The following KRT32 variants were observed in gnomAD, a reference collection of about 807,000 sequenced individuals.
KRT32 encodes keratin 32.
KRT32 carries 44 observed loss-of-function variants against 41.8 expected under a neutral mutation model. The ratio of observed to expected loss-of-function variants is 1.05; its 90% CI spans 0.83 to 1.35. The LOEUF (loss-of-function observed/expected upper bound fraction) is 1.35. Among genes scored for constraint, KRT32 ranks in the 40% most tolerant of loss-of-function variants. The pLI is 0.00. For missense variants in KRT32, 576 were observed against 584.6 expected (o/e 0.99, Z 0.15); for synonymous variants, 238 against 242.5 (o/e 0.98, Z 0.17).
chr17:41,465,836 G>C lies in KRT32; in HGVS notation c.645C>G (p.Asp215Glu), dbSNP rs747636371. ...TCAGGGACTCAACCTGGGCCTCCAG[G>C]TCAGCCTTGCACAGAGTGAGATCAT... ...ILDDLTLCKADLEAQVESLKE... is the reference protein window; with the variant it reads ...ILDDLTLCKAELEAQVESLKE... The change falls in exon 3 of 7, where the codon GAC becomes GAG. Residue 215 changes from aspartate (D) to glutamate (E), a missense_variant. Asp to Glu is a conservative substitution (Grantham distance 45). Transcript: ENST00000225899. 2 of 1,613,706 alleles carry C rather than the reference G, an allele frequency of 1.2e-6. No homozygotes were observed. The highest frequency in any genetic ancestry group is 3.3e-5 in the Admixed American group (2 of 59,974).
chr17:41,464,135 A>G lies in KRT32; in HGVS notation c.939T>C (p.Ile313=), dbSNP rs370151155. The part of the protein sequence containing the change: ...EQLQNYQSDI[I]DLRRTVNTLE... ...GCGTGTTGACCGTGCGTCTCAGGTC[A>G]ATGATGTCTGACTGGTAGTTCTGAA... is the stretch of plus-strand genomic sequence containing the variant. The change falls in exon 5 of 7, where the codon ATT becomes ATC. Residue 313 remains isoleucine (I), a synonymous_variant. Coordinates refer to ENST00000225899, the MANE Select transcript of KRT32 (RefSeq NM_002278.3). 3 of 1,613,214 alleles carry G rather than the reference A, an allele frequency of 1.9e-6. No homozygotes were observed. Among genetic ancestry groups the G allele is most frequent in the African/African-American group, 1.3e-5 (1 of 75,010 alleles).
chr17:41,461,090 C>A (rs1202625728), intron 6 of KRT32, among the ~76,000 whole-genome samples: 1 of 152,130 alleles, frequency 6.6e-6, no homozygotes, highest in Non-Finnish European at 1.5e-5. Context: ...CATTTCTTCT[C>A]TTGTTTAAGA....
At chr17:41,466,059 G>A (rs374171404) in intron 2 of KRT32, 35 bp downstream of exon 2, 1 of 1,611,228 alleles carries the variant, frequency 6.2e-7, no homozygotes, top group Non-Finnish European at 8.5e-7. Flanking sequence ...ATGAGGACAG[G>A]TCCTCCCCAG....
chr17:41,462,620 T>A (rs947905595), intron 6 of KRT32, among the ~76,000 whole-genome samples: 84 of 152,128 alleles, frequency 5.5e-4, no homozygotes, highest in African/African-American at 2.0e-3. Flanking sequence ...CAGCTTGGAA[T>A]GAGATAGAAT....
At chr17:41,467,386 C>CCGGGCCATTTTT, upstream of KRT32, 1 of 1,312,252 alleles carries the variant, frequency 7.6e-7, no homozygotes, top group South Asian at 1.4e-5. Flanking sequence ...CCCATGCCGC[C>CCGGGCCATTTTT]CGGGCCATTT....
intron 6 of KRT32, among the ~76,000 whole-genome samples, chr17:41,462,283 G>T (rs2019008430): frequency 1.3e-5 from 2 of 151,968 alleles, no homozygotes; most frequent in African/African-American, 4.8e-5. Context: ...CCATAAATGG[G>T]CCCCGGCTGA....
At chr17:41,465,952 A>G in intron 2 of KRT32, 23 bp from the exon 3 acceptor site, 1 of 1,607,676 alleles carries the variant, frequency 6.2e-7, no homozygotes, top group South Asian at 1.1e-5. Flanking sequence ...AGGGTCAGCA[A>G]CCAAGGGTGA....
At position 41,465,892 on chromosome 17, in the gene KRT32, C is replaced by T; in HGVS notation, c.589G>A (p.Ala197Thr). Residue 197 changes from alanine to threonine, a missense_variant, in exon 3 of 7, where the codon GCC becomes ACC. Physicochemically the swap from Ala to Thr is moderately conservative, Grantham distance 58 (BLOSUM62 0). Transcript: ENST00000225899. ...AELAMRQLVEADINGLRRILD... is the reference protein window; with the variant it reads ...AELAMRQLVETDINGLRRILD... ...ATCCTGCGCAGGCCATTGATGTCGGCCTCCACCAGCTGCCGCATGGCCAGC... is the reference window on the plus strand; with the variant it reads ...ATCCTGCGCAGGCCATTGATGTCGGTCTCCACCAGCTGCCGCATGGCCAGC... The T allele has an allele frequency of 1.2e-6, 2 of 1,614,016 alleles. No individual in the cohort carries two copies. Among genetic ancestry groups the T allele is most frequent in the Non-Finnish European group, 1.7e-6 (2 of 1,179,918 alleles).
Position 41,467,262 on chromosome 17 carries a change from C to G in KRT32, c.64G>C (p.Ala22Pro). 6.2e-7 allele frequency: 1 copy of G among 1,613,678 alleles called. No individual in the cohort carries two copies. Among genetic ancestry groups the G allele is most frequent in the Non-Finnish European group, 8.5e-7 (1 of 1,179,986 alleles). Residue 22 changes from alanine to proline, a missense_variant, in exon 1 of 7, where the codon GCC becomes CCC. By Grantham distance (27) the Ala-to-Pro change is conservative. Transcript: ENST00000225899. The part of the protein sequence containing the change: ...QASLKSCPRP[A>P]SVCSSGVNCR... The stretch of plus-strand genomic sequence containing the variant: ...TTCACGCCGCTGGAACAGACCGAGG[C>G]AGGCCGGGGGCAGCTCTTGAGAGAG...
In KRT32 at chr17:41,459,524, G is replaced by A. The variant is rs2018978339; in HGVS notation, c.*586C>T. Among the ~76,000 whole-genome samples, 1 of 151,500 alleles carries A rather than the reference G, an allele frequency of 6.6e-6. No individual in the cohort carries two copies. Among genetic ancestry groups the A allele is most frequent in the Admixed American group, 6.6e-5 (1 of 15,248 alleles). ...TGTACCAGCTGTAATGAGATTTAGGGGTGGGTTTATTATGATATGATTCTC... is the reference window on the plus strand; with the variant it reads ...TGTACCAGCTGTAATGAGATTTAGGAGTGGGTTTATTATGATATGATTCTC... On this transcript the variant is annotated 3_prime_UTR_variant, in exon 7 of 7. Coordinates refer to ENST00000225899, the MANE Select transcript of KRT32 (RefSeq NM_002278.3).
chr17:41,460,595 A>T (rs919448576), intron 6 of KRT32, among the ~76,000 whole-genome samples: 1 of 152,202 alleles, frequency 6.6e-6, no homozygotes, highest in Non-Finnish European at 1.5e-5. Context: ...AAACTAACAC[A>T]GGAACAGAAA....
In KRT32 at chr17:41,466,853, C is replaced by T; in HGVS notation, c.468+5G>A. 4 of 1,603,954 alleles carry T rather than the reference C, an allele frequency of 2.5e-6. No individual in the cohort carries two copies. Among genetic ancestry groups the T allele is most frequent in the Non-Finnish European group, 3.4e-6 (4 of 1,172,838 alleles). ...AGAGCCTATTCACCTCACCGCTGCC[C>T]TCACCTTCTGCTGGAGCTCCTCAAT... On this transcript the variant is annotated splice_donor_5th_base_variant and intron_variant, in intron 1 of 6. Transcript: ENST00000225899.
At chr17:41,466,470 G>C (rs925040970) in intron 1 of KRT32, among the ~76,000 whole-genome samples, 1 of 152,242 alleles carries the variant, frequency 6.6e-6, no homozygotes, top group Admixed American at 6.5e-5. Context: ...GTGACAGTTA[G>C]AAGGGTCTTT....
chr17:41,467,011 G>A lies in KRT32; in HGVS notation c.315C>T (p.Asp105=), dbSNP rs773541689. 4 of 1,614,268 alleles carry A rather than the reference G, an allele frequency of 2.5e-6. No homozygotes were observed. Among genetic ancestry groups the A allele is most frequent in the Non-Finnish European group, 3.4e-6 (4 of 1,180,050 alleles). ...NEKETMQFLN[D]RLASYLTRVR... The stretch of plus-strand genomic sequence containing the variant: ...CCCTCGTCAGGTAGCTGGCCAGGCG[G>A]TCGTTAAGGAACTGCATGGTTTCCT... Residue 105 remains aspartate (D), a synonymous_variant, in exon 1 of 7, where the codon GAC becomes GAT. Coordinates refer to ENST00000225899, the MANE Select transcript of KRT32 (RefSeq NM_002278.3).
At position 41,463,049 on chromosome 17, in the gene KRT32, C is replaced by G. The variant is rs1292308235; in HGVS notation, c.998G>C (p.Arg333Thr). The change falls in exon 6 of 7, where the codon AGG becomes ACG. Residue 333 changes from arginine (R) to threonine (T), a missense_variant and splice_region_variant. By Grantham distance (71) the Arg-to-Thr change is moderately conservative. Transcript: ENST00000225899. The stretch of plus-strand genomic sequence containing the variant: ...CGTCAGCGTGTTTTCCAGGGAGTCC[C>G]TCTAAGGCAAAGGAAGACATAACCA... ...EIELQAQHSL[R>T]DSLENTLTES... 4 of 1,609,858 alleles carry G rather than the reference C, an allele frequency of 2.5e-6. No homozygotes were observed. In the South Asian group the frequency reaches 3.3e-5, roughly 13 times the overall value.
At chr17:41,463,108 A>G in intron 5 of KRT32, 58 bp from the exon 6 acceptor site, 1 of 1,513,122 alleles carries the variant, frequency 6.6e-7, no homozygotes, top group Non-Finnish European at 9.0e-7. Context: ...GGCCTGCTTC[A>G]GAAAGAACCA....
At chr17:41,463,748 A>T (rs1308132246) in intron 5 of KRT32, among the ~76,000 whole-genome samples, 1 of 151,332 alleles carries the variant, frequency 6.6e-6, no homozygotes, top group African/African-American at 2.4e-5. Flanking sequence ...ACCTCCAGAG[A>T]CTCTGGTTCA....
In KRT32 at chr17:41,460,199, AGGT is replaced by A. The variant is rs1567700428; in HGVS notation, c.1255_1257del (p.Thr419del). ...CGGGGCACGCATGGGGAGGGCACAC[AGGT>A]GGTGCAGGAAGGAGTGGAGCATGGG... On this transcript the variant is annotated inframe_deletion, in exon 7 of 7. Coordinates refer to ENST00000225899, the MANE Select transcript of KRT32 (RefSeq NM_002278.3). 9 of 1,610,248 alleles carry A rather than the reference AGGT, an allele frequency of 5.6e-6. No homozygotes were observed. Among genetic ancestry groups the A allele is most frequent in the Non-Finnish European group, 7.6e-6 (9 of 1,178,252 alleles).
At chr17:41,464,249 T>C (rs749270808) in intron 4 of KRT32, 33 bp downstream of exon 4, 29 of 1,586,112 alleles carry the variant, frequency 1.8e-5, no homozygotes, top group Non-Finnish European at 2.2e-5. Context: ...CCTAGGGATA[T>C]GGAGGAGGCC....
Sources: gnomAD v4.1 joint callset for allele counts (sites outside exome capture counted in the v4.1 genomes callset) on GRCh38, gnomAD v4.1.1 for gene constraint, MANE v1.5 for transcripts, NCBI Gene and HGNC (gene_info 2026-07-23, HGNC 2026-07-21) for gene names.